Variants in CPAMD8 observed in about 807,000 individuals in gnomAD.
CPAMD8 encodes C3 and PZP like alpha-2-macroglobulin domain containing 8, also known as C3 and PZP-like alpha-2-macroglobulin domain-containing protein 8.
In CPAMD8, 146 loss-of-function variants were observed where a neutral mutation model predicts 224.7. That is an observed-to-expected ratio of 0.65 (90% CI 0.57 to 0.75). The LOEUF (loss-of-function observed/expected upper bound fraction) is 0.75, where lower values mean the gene tolerates loss of function less well. Ranked by LOEUF, CPAMD8 falls within the 30% of genes least tolerant of loss-of-function variation. CPAMD8 has a pLI of 0.00. For synonymous variants in CPAMD8, 966 were observed against 1,044.6 expected (o/e 0.92, Z 1.45); for missense variants, 2,301 against 2,537.5 (o/e 0.91, Z 2.00).
intron 29 of CPAMD8, among the ~76,000 whole-genome samples, 190 bp from the exon 30 acceptor site, chr19:16,907,307 C>CTT (rs71334641): frequency 0.077 from 6,251 of 80,958 alleles, 400 homozygotes; most frequent in African/African-American, 0.15. Context: ...TCTTTCTTGC[C>CTT]TTTTTTTTTT....
intron 7 of CPAMD8, among the ~76,000 whole-genome samples, chr19:17,006,462 G>T (rs2056494959): frequency 6.6e-6 from 1 of 151,822 alleles, no homozygotes. Context: ...GGTAGAGGCT[G>T]CAGTGAGCTA....
intron 25 of CPAMD8, among the ~76,000 whole-genome samples, chr19:16,926,698 C>T (rs1216119965): frequency 6.6e-6 from 1 of 152,184 alleles, no homozygotes; most frequent in African/African-American, 2.4e-5. Flanking sequence ...AATAGCCTGG[C>T]TACTTTCTAG....
chr19:16,950,947 C>A (rs570646649), intron 20 of CPAMD8, among the ~76,000 whole-genome samples: 1 of 152,150 alleles, frequency 6.6e-6, no homozygotes, highest in East Asian at 1.9e-4. Context: ...TTGTTTTAAG[C>A]CACCTGGTTT....
intron 26 of CPAMD8, among the ~76,000 whole-genome samples, chr19:16,924,456 A>G (rs1391004217): frequency 6.6e-6 from 1 of 152,156 alleles, no homozygotes; most frequent in East Asian, 1.9e-4. Flanking sequence ...CCAGACCCTC[A>G]CAAGTGCTAA....
At chr19:17,022,937 C>G (rs1407064740) in intron 1 of CPAMD8, among the ~76,000 whole-genome samples, 1 of 152,038 alleles carries the variant, frequency 6.6e-6, no homozygotes, top group Non-Finnish European at 1.5e-5. Flanking sequence ...CTGACATCAG[C>G]CCCATTTAGA....
chr19:16,904,197 G>T, intron 32 of CPAMD8, 29 bp downstream of exon 32: 4 of 743,958 alleles, frequency 5.4e-6, no homozygotes, highest in Non-Finnish European at 6.5e-6. Flanking sequence ...CCAGCCCTGA[G>T]CCCCTCCCTC....
At chr19:16,935,365 C>G (rs2053653833) in intron 23 of CPAMD8, among the ~76,000 whole-genome samples, 1 of 152,198 alleles carries the variant, frequency 6.6e-6, no homozygotes, top group Non-Finnish European at 1.5e-5. Context: ...ATTCCCAACA[C>G]CACAGAGATT....
At chr19:16,990,955 G>A (rs2055928344) in intron 12 of CPAMD8, among the ~76,000 whole-genome samples, 1 of 151,504 alleles carries the variant, frequency 6.6e-6, no homozygotes, top group Non-Finnish European at 1.5e-5. Context: ...GTATAAACGG[G>A]CCACACCAGA....
intron 18 of CPAMD8, 47 bp from the exon 19 acceptor site, chr19:16,957,962 A>T: frequency 1.3e-6 from 2 of 1,541,676 alleles, no homozygotes; most frequent in Non-Finnish European, 1.8e-6. Context: ...GAACATAACA[A>T]ATCTTATGTG....
intron 17 of CPAMD8, among the ~76,000 whole-genome samples, chr19:16,972,695 A>T (rs1045553246): frequency 6.6e-6 from 1 of 152,014 alleles, no homozygotes; most frequent in Non-Finnish European, 1.5e-5. Flanking sequence ...CAGCCTCCCA[A>T]AGTGCTGGGA....
intron 26 of CPAMD8, among the ~76,000 whole-genome samples, chr19:16,923,726 G>A (rs769221589): frequency 3.9e-5 from 6 of 152,208 alleles, no homozygotes; most frequent in East Asian, 3.8e-4. Flanking sequence ...CACTTTGGGA[G>A]GCCAAGGTGA....
rs1214757739 is a variant in CPAMD8, at chr19:16,987,152, C to CAAAA, written c.1395+2487_1395+2490dup. Among the ~76,000 whole-genome samples the CAAAA allele has an allele frequency of 1.2e-3, 27 of 23,004 alleles. 2 individuals are homozygous for CAAAA. The highest frequency in any genetic ancestry group is 1.9e-3 in the Non-Finnish European group (23 of 11,944). 15.1% of individuals were successfully genotyped at this position (23,004 alleles called of 152,430 possible). A position where few individuals can be genotyped will look rare whatever the true frequency, so the allele number is the denominator to read the frequency against. On this transcript the variant is annotated intron_variant, in intron 13 of 41. Transcript: ENST00000443236. ...CCAGCCTGGGAGACAGAGACTCTGT[C>CAAAA]AAAAAAAAAAAAAAAAAAAAAAAAA...
intron 17 of CPAMD8, among the ~76,000 whole-genome samples, chr19:16,972,325 G>A (rs1047999240): frequency 1.1e-4 from 16 of 152,090 alleles, no homozygotes; most frequent in South Asian, 4.1e-4. Flanking sequence ...CACCATGCCC[G>A]GCTATGCAAT....
rs1178067887 is a variant in CPAMD8, at chr19:16,902,682, T to C, written c.4652A>G (p.Gln1551Arg). Reference sequence around the variant, plus strand: ...CACCTCCAGCATCACCTTGTATTCCTGGTGATGCTGATCGGCCGCTGGGTC... The same window carrying C: ...CACCTCCAGCATCACCTTGTATTCCCGGTGATGCTGATCGGCCGCTGGGTC... Reference protein sequence around the residue: ...DDDPAADQHHQEYKVMLEVCT... With the variant: ...DDDPAADQHHREYKVMLEVCT... The change falls in exon 35 of 42, where the codon CAG (glutamine) becomes CGG (arginine). Residue 1551 changes from glutamine (Q) to arginine (R), a missense_variant. Physicochemically the swap from Gln to Arg is conservative, Grantham distance 43 (BLOSUM62 1). Around this residue, in one of 4 missense-constraint regions of CPAMD8, gnomAD observed 1,709 missense variants for 1,753.2 expected, o/e 0.97. Coordinates refer to ENST00000443236, the MANE Select transcript of CPAMD8 (RefSeq NM_015692.5). 6.2e-7 allele frequency: 1 copy of C among 1,609,362 alleles called. No individual in the cohort carries two copies. The highest frequency in any genetic ancestry group is 2.2e-5 in the East Asian group (1 of 44,762).
intron 25 of CPAMD8, 38 bp downstream of exon 25, chr19:16,927,971 C>T: frequency 2.7e-6 from 4 of 1,483,266 alleles, no homozygotes; most frequent in Non-Finnish European, 1.9e-6. Context: ...GGCTCTTGCC[C>T]CCTGACCTCT....
At chr19:16,946,993 C>T in intron 21 of CPAMD8, 81 bp downstream of exon 21, 2 of 1,446,344 alleles carry the variant, frequency 1.4e-6, no homozygotes, top group South Asian at 2.7e-5. Context: ...CCATCCACCC[C>T]TCATCCCCAA....
At chr19:16,977,284 G>T (rs1031945708) in intron 15 of CPAMD8, 84 bp downstream of exon 15, 11 of 826,774 alleles carry the variant, frequency 1.3e-5, no homozygotes, top group Non-Finnish European at 4.1e-6. Flanking sequence ...TGAGTCTCAG[G>T]TGTGCACAGA....
chr19:16,928,504 A>C (rs1216992525), intron 24 of CPAMD8, among the ~76,000 whole-genome samples: 1 of 152,176 alleles, frequency 6.6e-6, no homozygotes, highest in African/African-American at 2.4e-5. Flanking sequence ...TGCTCTGCCT[A>C]GAGAACCTAC....
chr19:17,021,097 A>C (rs528087481), intron 2 of CPAMD8, among the ~76,000 whole-genome samples: 35 of 152,116 alleles, frequency 2.3e-4, no homozygotes, highest in Non-Finnish European at 3.8e-4. Flanking sequence ...GAGCACATGA[A>C]CCAAGATAGG....
Sources: allele counts gnomAD v4.1 joint callset (sites outside exome capture counted in the v4.1 genomes callset), GRCh38; gene constraint gnomAD v4.1.1; regional missense constraint gnomAD v4.1.1; transcripts MANE v1.5; gene names NCBI Gene and HGNC (gene_info 2026-07-23, HGNC 2026-07-21).